Variants in MORN1 observed in about 807,000 individuals in gnomAD.
MORN1 encodes the protein MORN repeat-containing protein 1.
A neutral mutation model predicts 61.9 loss-of-function variants in MORN1; 67 were observed. The observed-to-expected ratio is 1.08, with a 90% CI of 0.89 to 1.33. MORN1 has a LOEUF of 1.33. Ranked by LOEUF, MORN1 falls within the 40% of genes most tolerant of loss-of-function variation. The pLI, the probability that MORN1 is intolerant of heterozygous loss-of-function variation, is 0.00. For synonymous variants in MORN1, 301 were observed against 292.0 expected, an observed-to-expected ratio of 1.03 and a Z score of -0.31; for missense variants, 752 against 691.2, an observed-to-expected ratio of 1.09 and a Z score of -0.99.
intron 8 of MORN1, among the ~76,000 whole-genome samples, chr1:2,366,289 G>C (rs962645401): frequency 7.5e-6 from 1 of 133,014 alleles, no homozygotes; most frequent in Non-Finnish European, 1.5e-5. Flanking sequence ...AGAACACATG[G>C]ACACAGGAAG....
intron 12 of MORN1, among the ~76,000 whole-genome samples, chr1:2,327,720 C>T (rs550715305): frequency 2.0e-5 from 3 of 152,230 alleles, no homozygotes; most frequent in African/African-American, 4.8e-5. Context: ...GGGGCAGGCG[C>T]GGCGGGCAGG....
chr1:2,382,040 G>C (rs1047778198), intron 6 of MORN1, among the ~76,000 whole-genome samples: 4 of 152,224 alleles, frequency 2.6e-5, no homozygotes, highest in African/African-American at 9.6e-5. Flanking sequence ...GTGGACCCGA[G>C]TTGGCGCCTG....
At chr1:2,380,989 G>A (rs139951817) in intron 6 of MORN1, among the ~76,000 whole-genome samples, 1 of 152,352 alleles carries the variant, frequency 6.6e-6, no homozygotes, top group Non-Finnish European at 1.5e-5. Flanking sequence ...TCTCCGGGTC[G>A]ATGCCGTTTT....
intron 6 of MORN1, among the ~76,000 whole-genome samples, chr1:2,382,273 A>G (rs1000588541): frequency 6.6e-6 from 1 of 152,142 alleles, no homozygotes. Context: ...AATCTCAGGG[A>G]ACATGAGGAT....
intron 7 of MORN1, among the ~76,000 whole-genome samples, chr1:2,373,364 T>A (rs1174053157): frequency 5.9e-5 from 9 of 152,190 alleles, no homozygotes; most frequent in Admixed American, 5.2e-4. Context: ...TCCTGCTGTG[T>A]TCTGGGGGCA....
chr1:2,372,787 G>A lies in MORN1; in HGVS notation c.635-196C>T, dbSNP rs1261543650. 1.3e-5 allele frequency among the ~76,000 whole-genome samples: 2 copies of A among 152,246 alleles called. No homozygotes were observed. The highest frequency in any genetic ancestry group is 1.9e-4 in the East Asian group (1 of 5,202). On this transcript the variant is annotated intron_variant, in intron 7 of 13. Coordinates refer to ENST00000378531, the MANE Select transcript of MORN1 (RefSeq NM_024848.3). This position sits in a 1 kb window ranked among gnomAD's most constrained non-coding sequence, Gnocchi z 5.4. Reference sequence around the variant, plus strand: ...CTGGGCAGTCGTCCACACTCAGACCGTGAGGCTCGGCTCTGCTGGCCTGGA... The same window carrying A: ...CTGGGCAGTCGTCCACACTCAGACCATGAGGCTCGGCTCTGCTGGCCTGGA...
intron 10 of MORN1, among the ~76,000 whole-genome samples, chr1:2,348,862 T>G (rs1305969182): frequency 7.7e-6 from 1 of 130,084 alleles, no homozygotes; most frequent in African/African-American, 2.9e-5. Flanking sequence ...CGCACAGTCA[T>G]GTGCACGCAC....
intron 12 of MORN1, among the ~76,000 whole-genome samples, chr1:2,327,949 G>T (rs1250342544): frequency 6.6e-6 from 1 of 152,244 alleles, no homozygotes; most frequent in Non-Finnish European, 1.5e-5. Context: ...GCTCCGAGAA[G>T]CCAAGAGGCC....
chr1:2,385,727 A>C, intron 5 of MORN1, 80 bp downstream of exon 5: 1 of 1,347,814 alleles, frequency 7.4e-7, no homozygotes, highest in Non-Finnish European at 1.1e-6. Context: ...AGTCCTGTCT[A>C]CACCCCCAGG....
rs774439566 is a variant in MORN1, at chr1:2,384,968, C to T, written c.537+10G>A. ...CCTCTGGGCAGCAGGTGCCGCGCGC[C>T]CCCGGGTACCTTGTAGGTGGAGCCG... is the stretch of plus-strand genomic sequence containing the variant. On this transcript the variant is annotated intron_variant, in intron 6 of 13. Transcript: ENST00000378531. The T allele has an allele frequency of 6.4e-7, 1 of 1,554,710 alleles. No homozygotes were observed. The highest frequency in any genetic ancestry group is 8.7e-7 in the Non-Finnish European group (1 of 1,148,936).
At chr1:2,390,866 A>G (rs1268656375) in intron 1 of MORN1, 6 of 500,002 alleles carry the variant, frequency 1.2e-5, no homozygotes, top group Non-Finnish European at 1.5e-5. Context: ...CTCCTGCCTC[A>G]GCCTCCCGAG....
intron 10 of MORN1, among the ~76,000 whole-genome samples, chr1:2,349,620 C>A (rs1240582298): frequency 6.6e-6 from 1 of 152,176 alleles, no homozygotes; most frequent in African/African-American, 2.4e-5. Flanking sequence ...TGCTACTCTG[C>A]CATAATTAAC....
intron 12 of MORN1, among the ~76,000 whole-genome samples, chr1:2,335,679 A>G (rs1303870606): frequency 6.6e-6 from 1 of 152,200 alleles, no homozygotes; most frequent in African/African-American, 2.4e-5. Context: ...CCAAGGAAAC[A>G]AGAGCGAGTG....
chr1:2,335,828 T>TAGCCCGGCCCGGCCC (rs138508948), intron 12 of MORN1, among the ~76,000 whole-genome samples: 16 of 143,014 alleles, frequency 1.1e-4, no homozygotes, highest in African/African-American at 4.9e-4. Flanking sequence ...CTCGCCTCCA[T>TAGCCCGGCCCGGCCC]AGCCCAGCCC....
At chr1:2,374,359 CCAG>C in intron 7 of MORN1, 99 bp downstream of exon 7, 1 of 969,242 alleles carries the variant, frequency 1.0e-6, no homozygotes, top group Middle Eastern at 2.4e-4. Context: ...CCACCCCTCC[CCAG>C]TGTGCTCTTG....
intron 12 of MORN1, among the ~76,000 whole-genome samples, chr1:2,329,774 GATA>G (rs1258106434): frequency 6.6e-6 from 1 of 152,234 alleles, no homozygotes; most frequent in Admixed American, 6.5e-5. Context: ...GTCTATTTCA[GATA>G]GTGTTCCCCA....
At chr1:2,323,643 G>C in intron 13 of MORN1, 1 of 985,224 alleles carries the variant, frequency 1.0e-6, no homozygotes, top group Non-Finnish European at 1.2e-6. Flanking sequence ...ACCCCTCCTT[G>C]CTGTCCCCAC....
chr1:2,367,160 T>G (rs1642013463), intron 8 of MORN1, among the ~76,000 whole-genome samples: 1 of 152,104 alleles, frequency 6.6e-6, no homozygotes, highest in Non-Finnish European at 1.5e-5. Context: ...ACTCATTCTA[T>G]GAGGACAGCA....
chr1:2,388,460 A>G, intron 2 of MORN1, 123 bp from the exon 3 acceptor site: 1 of 735,268 alleles, frequency 1.4e-6, no homozygotes, highest in South Asian at 1.6e-5. Flanking sequence ...GTTTGGCTCC[A>G]TCACTCATGC....
Sources: gnomAD v4.1 joint callset for allele counts (sites outside exome capture counted in the v4.1 genomes callset) on GRCh38, gnomAD v4.1.1 for gene constraint, Gnocchi (gnomAD v3.1) non-coding constraint, MANE v1.5 for transcripts, NCBI Gene and HGNC (gene_info 2026-07-23, HGNC 2026-07-21) for gene names.